CAPRIN2: variants seen among roughly 807,000 people sequenced by gnomAD.
The protein encoded by CAPRIN2 is caprin-2.
CAPRIN2 carries 66 observed loss-of-function variants against 130.4 expected under a neutral mutation model. The ratio of observed to expected loss-of-function variants is 0.51; its 90% CI spans 0.42 to 0.62. The LOEUF (loss-of-function observed/expected upper bound fraction) is 0.62, where lower values mean the gene tolerates loss of function less well. Ranked by LOEUF, CAPRIN2 falls within the 20% of genes least tolerant of loss-of-function variation. The pLI is 0.00. For synonymous variants in CAPRIN2, 471 were observed against 444.1 expected (o/e 1.06, Z -0.76); for missense variants, 1,185 against 1,246.6 (o/e 0.95, Z 0.74).
chr12:30,714,944 T>C lies in CAPRIN2; in HGVS notation c.2500+15A>G, dbSNP rs1204115933. On this transcript the variant is annotated intron_variant, in intron 14 of 16. Coordinates refer to ENST00000298892, the Ensembl canonical transcript of CAPRIN2. ...CAAAATAATTCAGTATAATTCAATTTTATTCAGGGCATACCTTTATAACCA... is the reference window on the plus strand; with the variant it reads ...CAAAATAATTCAGTATAATTCAATTCTATTCAGGGCATACCTTTATAACCA... The C allele has an allele frequency of 5.6e-6, 9 of 1,602,176 alleles. No homozygotes were observed. The highest frequency in any genetic ancestry group is 7.7e-6 in the Non-Finnish European group (9 of 1,170,640).
chr12:30,733,587 G>GT, intron 5 of CAPRIN2, 42 bp downstream of exon 6: 1 of 1,328,280 alleles, frequency 7.5e-7, no homozygotes, highest in Non-Finnish European at 1.1e-6. Context: ...TAGACATAAA[G>GT]TTTAGTATTT....
At chr12:30,719,250 G>A in intron 12 of CAPRIN2, 25 bp from the exon 14 acceptor site, 1 of 1,612,068 alleles carries the variant, frequency 6.2e-7, no homozygotes, top group Admixed American at 1.7e-5. Flanking sequence ...TGCAGCATCA[G>A]CCAATCACCT....
At chr12:30,737,894 G>A (rs2138734106) in intron 3 of CAPRIN2, among the ~76,000 whole-genome samples, 1 of 152,266 alleles carries the variant, frequency 6.6e-6, no homozygotes, top group East Asian at 1.9e-4. Flanking sequence ...ACCGCGCCTG[G>A]CCGATAAAAT....
rs761278155 is a variant in CAPRIN2, at chr12:30,710,541, C to T, written c.2666-71G>A. 24 of 1,592,614 alleles carry T rather than the reference C, an allele frequency of 1.5e-5. No individual in the cohort carries two copies. In the Admixed American group the frequency reaches 3.6e-4, roughly 24 times the overall value. ...TTTGAACACAATATTTAACATTAGT[C>T]GGCTACTGAAACAGACAAAGATACA... On this transcript the variant is annotated intron_variant, in intron 16 of 16. Coordinates refer to ENST00000298892, the Ensembl canonical transcript of CAPRIN2. The surrounding 1 kb of genome is among the most constrained non-coding windows in gnomAD (Gnocchi z 4.8).
At chr12:30,714,615 G>C (rs979505100) in intron 14 of CAPRIN2, among the ~76,000 whole-genome samples, 1 of 152,104 alleles carries the variant, frequency 6.6e-6, no homozygotes, top group African/African-American at 2.4e-5. Context: ...CAAATAACTA[G>C]AAATAATTAG....
At chr12:30,752,372 T>A (rs1454557913) in intron 1 of CAPRIN2, among the ~76,000 whole-genome samples, 2 of 152,156 alleles carry the variant, frequency 1.3e-5, no homozygotes, top group Non-Finnish European at 2.9e-5. Context: ...AGCATAAGCA[T>A]ACATATATGT....
intron 12 of CAPRIN2, chr12:30,719,165 T>G (rs771210644): frequency 1.2e-6 from 2 of 1,613,950 alleles, no homozygotes; most frequent in African/African-American, 2.7e-5. Flanking sequence ...TCAGAGCCCT[T>G]TGCCATGGGA....
chr12:30,751,049 T>C (rs766696113), intron 2 of CAPRIN2, 22 bp downstream of exon 3: 1 of 1,593,714 alleles, frequency 6.3e-7, no homozygotes, highest in Non-Finnish European at 8.6e-7. Context: ...CAAGTCTTAC[T>C]AAAAGATCAT....
At chr12:30,742,270 T>G (rs2067836996) in intron 2 of CAPRIN2, among the ~76,000 whole-genome samples, 1 of 152,100 alleles carries the variant, frequency 6.6e-6, no homozygotes, top group African/African-American at 2.4e-5. Flanking sequence ...CAGACTGATA[T>G]TAAGTCTTTA....
At chr12:30,720,527 T>C (rs964197274) in intron 12 of CAPRIN2, 2 of 230,540 alleles carry the variant, frequency 8.7e-6, no homozygotes, top group Non-Finnish European at 1.7e-5. Context: ...AGTGTAAATA[T>C]AGTGGAAAAC....
At chr12:30,722,409 G>A (rs536772229) in intron 11 of CAPRIN2, among the ~76,000 whole-genome samples, 29 of 152,010 alleles carry the variant, frequency 1.9e-4, no homozygotes, top group African/African-American at 6.8e-4. Context: ...GGATGGCTTC[G>A]ATGCAGCCAT....
intron 14 of CAPRIN2, among the ~76,000 whole-genome samples, chr12:30,714,338 T>C (rs942296464): frequency 1.3e-5 from 2 of 152,202 alleles, no homozygotes; most frequent in Non-Finnish European, 2.9e-5. Flanking sequence ...CATATCACCA[T>C]GCCCAGCTAA....
chr12:30,713,412 ATGGGCTC>A (rs764585475), intron 15 of CAPRIN2, among the ~76,000 whole-genome samples: 189 of 152,310 alleles, frequency 1.2e-3, no homozygotes, highest in Admixed American at 2.7e-3. Context: ...AGTTAAAATC[ATGGGCTC>A]TGGAGTAAGA....
intron 12 of CAPRIN2, among the ~76,000 whole-genome samples, chr12:30,717,806 T>C (rs1345489832): frequency 6.6e-6 from 1 of 152,172 alleles, no homozygotes; most frequent in African/African-American, 2.4e-5. Flanking sequence ...GATCTGTCCT[T>C]CTATGACTCT....
chr12:30,736,054 T>G lies in CAPRIN2; in HGVS notation c.571-848A>C, dbSNP rs116949135. On this transcript the variant is annotated intron_variant, in intron 3 of 16. Coordinates refer to ENST00000298892, the Ensembl canonical transcript of CAPRIN2. ...TACTCAGGAAGCTGTGGTAGACAGATTGCTTGAGCCCGGGAGGTCAAGGCT... is the reference window on the plus strand; with the variant it reads ...TACTCAGGAAGCTGTGGTAGACAGAGTGCTTGAGCCCGGGAGGTCAAGGCT... 1.6e-3 allele frequency among the ~76,000 whole-genome samples: 245 copies of G among 152,014 alleles called. 5 individuals carry two copies. In the East Asian group the frequency reaches 0.031, roughly 19 times the overall value.
intron 12 of CAPRIN2, 155 bp from the exon 14 acceptor site, chr12:30,719,380 C>G: frequency 1.2e-6 from 1 of 813,586 alleles, no homozygotes; most frequent in South Asian, 1.8e-5. Flanking sequence ...AATTTCAAAT[C>G]TCAATTGCTG....
At chr12:30,749,635 T>C (rs2072667006) in intron 2 of CAPRIN2, among the ~76,000 whole-genome samples, 3 of 152,182 alleles carry the variant, frequency 2.0e-5, no homozygotes, top group Non-Finnish European at 1.5e-5. Flanking sequence ...CAACTCCTGC[T>C]AGTTGATCAA....
exon 1 of CAPRIN2, chr12:30,753,766 T>C (rs765484286): frequency 1.3e-6 from 2 of 1,599,468 alleles, no homozygotes; most frequent in Admixed American, 3.4e-5. Context: ...ACTTCCATCC[T>C]ACTTTTAAAG....
At chr12:30,753,230 A>C (rs1259435608) in intron 1 of CAPRIN2, 114 bp downstream of exon 2, 1 of 795,696 alleles carries the variant, frequency 1.3e-6, no homozygotes, top group African/African-American at 1.7e-5. Flanking sequence ...AAAGCAGCTA[A>C]ACCTAAGGTT....
Sources: allele counts gnomAD v4.1 joint callset (sites outside exome capture counted in the v4.1 genomes callset), GRCh38; gene constraint gnomAD v4.1.1; non-coding constraint Gnocchi (gnomAD v3.1); transcripts MANE v1.5; gene names NCBI Gene and HGNC (gene_info 2026-07-23, HGNC 2026-07-21).